BCLAF1: variants seen among roughly 807,000 people sequenced by gnomAD.
The protein encoded by BCLAF1 is bcl-2-associated transcription factor 1.
In BCLAF1, 10 loss-of-function variants were observed where a neutral mutation model predicts 99.5. The observed-to-expected ratio is 0.10, with a 90% confidence interval of 0.06 to 0.17. The LOEUF (loss-of-function observed/expected upper bound fraction) is 0.17. Among genes scored for constraint, BCLAF1 ranks in the 10% least tolerant of loss-of-function variants. The pLI, the probability that BCLAF1 is intolerant of heterozygous loss-of-function variation, is 1.00. For synonymous variants in BCLAF1, 255 were observed against 370.9 expected (o/e 0.69, Z 3.59); for missense variants, 636 against 1,105.8 (o/e 0.58, Z 6.02).
Position 136,275,573 on chromosome 6 carries a change from G to A in BCLAF1, c.1811C>T (p.Ser604Leu). 6.3e-7 allele frequency: 1 copy of A among 1,581,360 alleles called. No homozygotes were observed. Among genetic ancestry groups the A allele is most frequent in the South Asian group, 1.2e-5 (1 of 85,044 alleles). The change falls in exon 6 of 13, where the codon TCA (serine) becomes TTA (leucine). Residue 604 changes from serine (S) to leucine (L), a missense_variant. Coordinates refer to ENST00000531224, the MANE Select transcript of BCLAF1 (RefSeq NM_014739.3). ...LPQASKSTSE[S>L]FIQHIVSLVH... ...CAAGGACACAATGTGTTGAATAAAT[G>A]ACTCTGAAGTGCTTTTGCTGGCCTG...
rs763353757 is a variant in BCLAF1 at position 136,267,071 on chromosome 6, T to C, written c.2502A>G (p.Glu834=). 3 of 1,613,176 alleles carry C rather than the reference T, an allele frequency of 1.9e-6. No individual in the cohort carries two copies. Among genetic ancestry groups the C allele is most frequent in the Non-Finnish European group, 2.5e-6 (3 of 1,179,354 alleles). Residue 834 remains glutamate (E), a synonymous_variant, in exon 11 of 13, where the codon GAA becomes GAG. Coordinates refer to ENST00000531224, the MANE Select transcript of BCLAF1 (RefSeq NM_014739.3). ...TTFQKRPKEE[E]WDPEYTPKSK... is the part of the protein sequence containing the mutation. ...TCTTTGGGGTATATTCTGGATCCCATTCCTCTTCCTTCGGTCTCTTTTGAA... is the reference window on the plus strand; with the variant it reads ...TCTTTGGGGTATATTCTGGATCCCACTCCTCTTCCTTCGGTCTCTTTTGAA...
At chr6:136,272,582 C>T (rs1782683683) in intron 7 of BCLAF1, among the ~76,000 whole-genome samples, 1 of 151,928 alleles carries the variant, frequency 6.6e-6, no homozygotes, top group Non-Finnish European at 1.5e-5. Context: ...TAGCCAATAT[C>T]ACTGTCACTG....
At chr6:136,267,254 T>A in intron 10 of BCLAF1, 79 bp from the exon 11 acceptor site, 4 of 1,464,764 alleles carry the variant, frequency 2.7e-6, no homozygotes, top group African/African-American at 1.4e-5. Flanking sequence ...TTTACTGCAG[T>A]AACAAAAAAC....
At chr6:136,284,160 C>G (rs1013854380) in intron 1 of BCLAF1, among the ~76,000 whole-genome samples, 1 of 77,472 alleles carries the variant, frequency 1.3e-5, no homozygotes, top group African/African-American at 9.5e-5. Context: ...ATATATATAT[C>G]CAGAGAAGAC....
At chr6:136,262,229 G>C (rs1781104908) in intron 11 of BCLAF1, among the ~76,000 whole-genome samples, 1 of 152,158 alleles carries the variant, frequency 6.6e-6, no homozygotes, top group East Asian at 1.9e-4. Flanking sequence ...TAGATGAGTA[G>C]AGATGGGTAT....
rs201324577 is a variant in BCLAF1 at position 136,275,614 on chromosome 6, G to A, written c.1770C>T (p.Asp590=). 1.9e-6 allele frequency: 3 copies of A among 1,598,810 alleles called. No individual in the cohort carries two copies. The highest frequency in any genetic ancestry group is 2.6e-6 in the Non-Finnish European group (3 of 1,173,958). The change falls in exon 6 of 13, where the codon GAC becomes GAT. Residue 590 remains aspartate, a synonymous_variant. Transcript: ENST00000531224. ...TGCTGGCCTGTGGCAACTTAATGTG[G>A]TCAAAGATGGATCGGAATTCTTGCT... ...KKEQEFRSIF[D]HIKLPQASKS...
At chr6:136,289,167 T>G (rs948091068) in intron 1 of BCLAF1, among the ~76,000 whole-genome samples, 2 of 152,178 alleles carry the variant, frequency 1.3e-5, no homozygotes, top group Admixed American at 6.5e-5. Flanking sequence ...GAGGGCAGTT[T>G]TAAAGACCAC....
chr6:136,283,419 C>A (rs1403348629), intron 1 of BCLAF1, among the ~76,000 whole-genome samples: 1 of 152,078 alleles, frequency 6.6e-6, no homozygotes, highest in Admixed American at 6.5e-5. Context: ...AAAGAACAGT[C>A]AGCAATGAAA....
rs1474296010 is a variant in BCLAF1, at chr6:136,258,426, GACAA to G, written c.*2680_*2683del. Reference sequence around the variant, plus strand: ...AAAACAAAAACAAAAACAAAAACAAGACAAAACAAAAAAACAGTAAAGAAAGGTT... The same window carrying G: ...AAAACAAAAACAAAAACAAAAACAAGAACAAAAAAACAGTAAAGAAAGGTT... On this transcript the variant is annotated 3_prime_UTR_variant, in exon 13 of 13. Transcript: ENST00000531224. 4.3e-4 allele frequency: 63 copies of G among 147,378 alleles called. No homozygotes were observed. The highest frequency in any genetic ancestry group is 1.6e-3 in the African/African-American group (62 of 39,834). The allele number at this position is 147,378 out of a possible 1,614,324, so 9.1% of individuals were successfully genotyped here.
At position 136,259,236 on chromosome 6, in the gene BCLAF1, A is replaced by C. The variant is rs995007493; in HGVS notation, c.*1874T>G. The C allele has an allele frequency of 2.6e-5, 4 of 152,016 alleles. No homozygotes were observed. The highest frequency in any genetic ancestry group is 5.9e-5 in the Non-Finnish European group (4 of 67,864). The allele number at this position is 152,016 out of a possible 1,614,324, so 9.4% of individuals were successfully genotyped here. A position where few individuals can be genotyped will look rare whatever the true frequency, so the allele number is the denominator to read the frequency against. ...TTAAAGCAATGCATTTGAACTTAAA[A>C]TATAACCTGCCCACAGGAATTAAGT... On this transcript the variant is annotated 3_prime_UTR_variant, in exon 13 of 13. Transcript: ENST00000531224.
chr6:136,284,977 A>C (rs906448006), intron 1 of BCLAF1, among the ~76,000 whole-genome samples: 33 of 152,172 alleles, frequency 2.2e-4, no homozygotes, highest in African/African-American at 6.8e-4. Flanking sequence ...GGAAGACCAT[A>C]CTAGGCAGAG....
At chr6:136,269,162 AC>A in intron 9 of BCLAF1, 3 of 1,264,854 alleles carry the variant, frequency 2.4e-6, no homozygotes, top group Non-Finnish European at 3.0e-6. Flanking sequence ...CTAGAAATGC[AC>A]TGCATTGAAG....
At chr6:136,267,207 G>T in intron 10 of BCLAF1, 32 bp from the exon 11 acceptor site, 1 of 1,604,092 alleles carries the variant, frequency 6.2e-7, no homozygotes, top group Non-Finnish European at 8.5e-7. Context: ...GTTTAGTGAT[G>T]CAATCAAAAG....
rs983357971 is a variant in BCLAF1, at chr6:136,262,830, T to G, written c.2545-1353A>C. Among the ~76,000 whole-genome samples, 41 of 152,284 alleles carry G rather than the reference T, an allele frequency of 2.7e-4. 1 individual carries two copies. The highest frequency in any genetic ancestry group is 2.5e-3 in the Admixed American group (39 of 15,296). On this transcript the variant is annotated intron_variant, in intron 11 of 12. Coordinates refer to ENST00000531224, the MANE Select transcript of BCLAF1 (RefSeq NM_014739.3). ...TCCAGAGGCTGTGTTTTTTTATGATTTTTACACAATACACCATGGATTCTG... is the reference window on the plus strand; with the variant it reads ...TCCAGAGGCTGTGTTTTTTTATGATGTTTACACAATACACCATGGATTCTG...
At chr6:136,269,883 AATCTATAATAAATTTTT>A in intron 8 of BCLAF1, 1 of 267,676 alleles carries the variant, frequency 3.7e-6, no homozygotes. Flanking sequence ...TATCCAAAAC[AATCTATAATAAATTTTT>A]GTACAGTAAA....
chr6:136,264,249 C>T (rs1406429968), intron 11 of BCLAF1, among the ~76,000 whole-genome samples: 1 of 152,198 alleles, frequency 6.6e-6, no homozygotes, highest in Non-Finnish European at 1.5e-5. Context: ...CTCTGTCACA[C>T]AGGCTGGAGT....
At chr6:136,284,521 T>C (rs1008196885) in intron 1 of BCLAF1, among the ~76,000 whole-genome samples, 4 of 152,202 alleles carry the variant, frequency 2.6e-5, no homozygotes, top group African/African-American at 7.2e-5. Context: ...CAACAAATCA[T>C]AGTAAACTAA....
chr6:136,256,695 A>ATAAG lies in BCLAF1; in HGVS notation c.*4414_*4415insCTTA. On this transcript the variant is annotated 3_prime_UTR_variant, in exon 13 of 13. Coordinates refer to ENST00000531224, the MANE Select transcript of BCLAF1 (RefSeq NM_014739.3). Reference sequence around the variant, plus strand: ...AATAAATAAATAAATAAATAAATAAATAAATAAATAAATAATTCAAAGTGC... The same window carrying ATAAG: ...AATAAATAAATAAATAAATAAATAAATAAGTAAATAAATAAATAATTCAAAGTGC... The ATAAG allele has an allele frequency of 6.3e-6, 1 of 158,610 alleles. No individual in the cohort carries two copies. Among genetic ancestry groups the ATAAG allele is most frequent in the East Asian group, 1.8e-4 (1 of 5,580 alleles). 9.8% of individuals were successfully genotyped at this position (158,610 alleles called of 1,614,324 possible). A position where few individuals can be genotyped will look rare whatever the true frequency, so the allele number is the denominator to read the frequency against.
chr6:136,279,291 CT>C (rs1404928534), intron 3 of BCLAF1, among the ~76,000 whole-genome samples: 1 of 152,034 alleles, frequency 6.6e-6, no homozygotes, highest in African/African-American at 2.4e-5. Flanking sequence ...GTATTTTCAA[CT>C]TCTGGTTTCT....
Sources: gnomAD v4.1 joint callset for allele counts (sites outside exome capture counted in the v4.1 genomes callset) on GRCh38, gnomAD v4.1.1 for gene constraint, MANE v1.5 for transcripts, NCBI Gene and HGNC (gene_info 2026-07-23, HGNC 2026-07-21) for gene names.